Variants in AGAP1 observed in about 807,000 individuals in gnomAD.
AGAP1 encodes arf-GAP with GTPase, ANK repeat and PH domain-containing protein 1.
A neutral mutation model predicts 105.3 loss-of-function variants in AGAP1; 29 were observed. The ratio of observed to expected loss-of-function variants is 0.28; its 90% confidence interval spans 0.21 to 0.38. The LOEUF (loss-of-function observed/expected upper bound fraction) is 0.38, where lower values mean the gene tolerates loss of function less well. Ranked by LOEUF, AGAP1 falls within the 10% of genes least tolerant of loss-of-function variation. The pLI is 1.00. For missense variants in AGAP1, 998 were observed against 1,165.1 expected (o/e 0.86, Z 2.09); for synonymous variants, 509 against 485.9 (o/e 1.05, Z -0.63).
intron 10 of AGAP1, among the ~76,000 whole-genome samples, chr2:235,899,081 A>T (rs763778416): frequency 1.3e-5 from 2 of 152,236 alleles, no homozygotes; most frequent in African/African-American, 4.8e-5. Context: ...TTTAAAAATT[A>T]GAAGTACTGA....
intron 9 of AGAP1, among the ~76,000 whole-genome samples, chr2:235,859,692 T>C (rs1025603393): frequency 1.3e-5 from 2 of 152,180 alleles, no homozygotes; most frequent in East Asian, 1.9e-4. Flanking sequence ...TACTTTTATC[T>C]GTAGAACAAA....
rs956607844 is a variant in AGAP1 at position 235,559,650 on chromosome 2, A to G, written c.163+64801A>G. On this transcript the variant is annotated intron_variant, in intron 1 of 17. Transcript: ENST00000304032. This position sits in a 1 kb window ranked among gnomAD's most constrained non-coding sequence, Gnocchi z 5.7. ...CGTTATAGCCTCCCAGAAATTTTCT[A>G]TACCCCTGAAATTTAACATTTTGGT... is the stretch of plus-strand genomic sequence containing the variant. 6.6e-5 allele frequency among the ~76,000 whole-genome samples: 10 copies of G among 152,098 alleles called. No individual in the cohort carries two copies. The highest frequency in any genetic ancestry group is 1.4e-4 in the African/African-American group (6 of 41,422).
At chr2:235,731,433 A>G (rs766390664) in intron 3 of AGAP1, among the ~76,000 whole-genome samples, 5 of 152,178 alleles carry the variant, frequency 3.3e-5, no homozygotes, top group Non-Finnish European at 7.3e-5. Flanking sequence ...AAGACGTGCT[A>G]TTTTATAGGC....
chr2:235,502,772 G>A (rs1021558462), intron 1 of AGAP1, among the ~76,000 whole-genome samples: 19 of 137,826 alleles, frequency 1.4e-4, no homozygotes, highest in Non-Finnish European at 2.7e-4. Context: ...TTCAAATAAT[G>A]TCCATGTTCA....
rs748562832 is a variant in AGAP1 at position 235,824,428 on chromosome 2, C to T, written c.1050+17097C>T. Among the ~76,000 whole-genome samples the T allele has an allele frequency of 6.6e-6, 1 of 152,174 alleles. No homozygotes were observed. Among genetic ancestry groups the T allele is most frequent in the Non-Finnish European group, 1.5e-5 (1 of 68,046 alleles). On this transcript the variant is annotated intron_variant, in intron 9 of 17. Coordinates refer to ENST00000304032, the MANE Select transcript of AGAP1 (RefSeq NM_001037131.3). The surrounding 1 kb of genome is among the most constrained non-coding windows in gnomAD (Gnocchi z 5.2). The stretch of plus-strand genomic sequence containing the variant: ...TTAAATATTTCAGAGCACTTGGCTA[C>T]AGTAGCATTGAACTGTGAAGAAATA...
At chr2:235,837,610 G>A (rs1960318911) in intron 9 of AGAP1, among the ~76,000 whole-genome samples, 1 of 152,122 alleles carries the variant, frequency 6.6e-6, no homozygotes, top group Admixed American at 6.5e-5. Context: ...GTTGTTGGTG[G>A]ATTAATAAGA....
intron 1 of AGAP1, among the ~76,000 whole-genome samples, chr2:235,671,501 C>G (rs935837760): frequency 2.6e-5 from 4 of 152,198 alleles, no homozygotes; most frequent in Admixed American, 2.0e-4. Context: ...CCCTCCCTGC[C>G]TCGAGTCGTC....
chr2:235,740,365 G>A lies in AGAP1; in HGVS notation c.311-598G>A, dbSNP rs1025333990. On this transcript the variant is annotated intron_variant, in intron 3 of 17. Coordinates refer to ENST00000304032, the MANE Select transcript of AGAP1 (RefSeq NM_001037131.3). The surrounding 1 kb of genome is among the most constrained non-coding windows in gnomAD (Gnocchi z 5.7). ...TCTCTAACGCCTCCTGTCAGCCGCT[G>A]CTCTGCTGTCTCCACCCGTGCGGAG... Among the ~76,000 whole-genome samples the A allele has an allele frequency of 6.6e-5, 10 of 152,160 alleles. No homozygotes were observed. Among genetic ancestry groups the A allele is most frequent in the Admixed American group, 3.9e-4 (6 of 15,286 alleles).
intron 1 of AGAP1, among the ~76,000 whole-genome samples, chr2:235,523,114 T>C (rs1157805203): frequency 2.6e-5 from 4 of 151,452 alleles, no homozygotes; most frequent in South Asian, 2.1e-4. Context: ...GCCTTCTCGC[T>C]GTGGCCTCTC....
chr2:235,583,615 G>A (rs984935603), intron 1 of AGAP1, among the ~76,000 whole-genome samples: 2 of 143,900 alleles, frequency 1.4e-5, no homozygotes, highest in Non-Finnish European at 3.0e-5. Flanking sequence ...GGTGGCTCAT[G>A]CCTGTAATCC....
rs1228038130 is a variant in AGAP1, at chr2:235,556,817, C to G, written c.163+61968C>G. On this transcript the variant is annotated intron_variant, in intron 1 of 17. Transcript: ENST00000304032. This position sits in a 1 kb window ranked among gnomAD's most constrained non-coding sequence, Gnocchi z 5.3. ...ATTTGAGAAGTGGCACTTATTTACC[C>G]TGGAGTGAATGTGTTACTGGAAGTG... 6.6e-6 allele frequency among the ~76,000 whole-genome samples: 1 copy of G among 152,142 alleles called. No homozygotes were observed. Among genetic ancestry groups the G allele is most frequent in the Non-Finnish European group, 1.5e-5 (1 of 68,034 alleles).
rs1559258321 is a variant in AGAP1 at position 236,082,981 on chromosome 2, C to A, written c.2114+33700C>A. The stretch of plus-strand genomic sequence containing the variant: ...GACCAGCCTGACCAACATGGAGAAA[C>A]CCTGTCTCTACTAAAAATACAAAAT... On this transcript the variant is annotated intron_variant, in intron 16 of 17. Coordinates refer to ENST00000304032, the MANE Select transcript of AGAP1 (RefSeq NM_001037131.3). The surrounding 1 kb of genome is among the most constrained non-coding windows in gnomAD (Gnocchi z 4.2). Among the ~76,000 whole-genome samples the A allele has an allele frequency of 6.6e-6, 1 of 152,068 alleles. No individual in the cohort carries two copies. The highest frequency in any genetic ancestry group is 1.9e-4 in the East Asian group (1 of 5,180).
rs1249261744 is a variant in AGAP1 at position 235,625,166 on chromosome 2, A to G, written c.164-84013A>G. 6.6e-6 allele frequency among the ~76,000 whole-genome samples: 1 copy of G among 152,190 alleles called. No homozygotes were observed. Among genetic ancestry groups the G allele is most frequent in the Non-Finnish European group, 1.5e-5 (1 of 68,036 alleles). ...CGGAATCATTCCAGGTGCCTGCTCT[A>G]GACTCTTGGTGTTGCTCTTCTTTCC... On this transcript the variant is annotated intron_variant, in intron 1 of 17. Transcript: ENST00000304032. This position sits in a 1 kb window ranked among gnomAD's most constrained non-coding sequence, Gnocchi z 4.0.
rs573696505 is a variant in AGAP1 at position 236,046,114 on chromosome 2, G to A, written c.1892-2945G>A. The A allele has an allele frequency of 6.8e-5, 30 of 443,376 alleles. No individual in the cohort carries two copies. The highest frequency in any genetic ancestry group is 4.2e-4 in the South Asian group (26 of 61,708). 27.5% of individuals were successfully genotyped at this position (443,376 alleles called of 1,614,324 possible). On this transcript the variant is annotated intron_variant, in intron 15 of 17. Coordinates refer to ENST00000304032, the MANE Select transcript of AGAP1 (RefSeq NM_001037131.3). The surrounding 1 kb of genome is among the most constrained non-coding windows in gnomAD (Gnocchi z 5.2). Reference sequence around the variant, plus strand: ...TGCAACCCACAGCGGCATGGAGGGCGGTGGGGTGGGCATAGGAACCAAATC... The same window carrying A: ...TGCAACCCACAGCGGCATGGAGGGCAGTGGGGTGGGCATAGGAACCAAATC...
Position 236,049,055 on chromosome 2 carries a change from G to A in AGAP1, c.1892-4G>A, listed in dbSNP as rs185705123. ...CGTTTAGCGTTCTGTTCCTCTTCCCGTAGATCCCAACTGGGCCAGTTTGAA... is the reference window on the plus strand; with the variant it reads ...CGTTTAGCGTTCTGTTCCTCTTCCCATAGATCCCAACTGGGCCAGTTTGAA... On this transcript the variant is annotated splice_polypyrimidine_tract_variant and splice_region_variant and intron_variant, in intron 15 of 17. Coordinates refer to ENST00000304032, the MANE Select transcript of AGAP1 (RefSeq NM_001037131.3). 437 of 1,612,588 alleles carry A rather than the reference G, an allele frequency of 2.7e-4. 1 individual carries two copies. The highest frequency in any genetic ancestry group is 3.6e-5 in the Non-Finnish European group (43 of 1,178,870).
intron 9 of AGAP1, chr2:235,853,200 T>C (rs1336843017): frequency 9.6e-7 from 1 of 1,046,120 alleles, no homozygotes; most frequent in African/African-American, 1.7e-5. Flanking sequence ...AATCCAAGAT[T>C]GAGCGGATCT....
Position 235,961,348 on chromosome 2 carries a change from G to A in AGAP1, c.1484-7114G>A, listed in dbSNP as rs780569553. Among the ~76,000 whole-genome samples, 31 of 152,208 alleles carry A rather than the reference G, an allele frequency of 2.0e-4. No individual in the cohort carries two copies. The highest frequency in any genetic ancestry group is 3.1e-4 in the Non-Finnish European group (21 of 68,038). ...GCAGAACCCCTCCACACGGCTCCCC[G>A]TCTAAGGCGGCAGGGATGAGCTGTG... On this transcript the variant is annotated intron_variant, in intron 12 of 17. Coordinates refer to ENST00000304032, the MANE Select transcript of AGAP1 (RefSeq NM_001037131.3). This position sits in a 1 kb window ranked among gnomAD's most constrained non-coding sequence, Gnocchi z 5.9.
intron 6 of AGAP1, among the ~76,000 whole-genome samples, chr2:235,759,430 A>G (rs988915316): frequency 3.9e-5 from 6 of 152,104 alleles, no homozygotes; most frequent in South Asian, 2.1e-4. Flanking sequence ...TGGCCTCCCA[A>G]AGTGCTGGGA....
Position 235,906,448 on chromosome 2 carries a change from T to A in AGAP1, c.1156-2290T>A, listed in dbSNP as rs914879659. On this transcript the variant is annotated intron_variant, in intron 10 of 17. Transcript: ENST00000304032. This position sits in a 1 kb window ranked among gnomAD's most constrained non-coding sequence, Gnocchi z 5.3. ...AGGGGTCACCAGGGACCCTGAAACA[T>A]CTTGTCCCTCTGGGGCTGATGTAGG... Among the ~76,000 whole-genome samples the A allele has an allele frequency of 6.6e-6, 1 of 152,096 alleles. No homozygotes were observed. The highest frequency in any genetic ancestry group is 1.9e-4 in the East Asian group (1 of 5,154).
Sources: allele counts gnomAD v4.1 joint callset (sites outside exome capture counted in the v4.1 genomes callset), GRCh38; gene constraint gnomAD v4.1.1; non-coding constraint Gnocchi (gnomAD v3.1); transcripts MANE v1.5; gene names NCBI Gene and HGNC (gene_info 2026-07-23, HGNC 2026-07-21).